Variants in DAB1 observed in about 807,000 individuals in gnomAD.
DAB1 encodes DAB adaptor protein 1, also known as disabled homolog 1.
A neutral mutation model predicts 64.6 loss-of-function variants in DAB1; 15 were observed. The observed-to-expected ratio is 0.23, with a 90% CI of 0.16 to 0.36. The LOEUF is 0.36. Ranked by LOEUF, DAB1 falls within the 10% of genes least tolerant of loss-of-function variation. The probability of loss-of-function intolerance (pLI) is 1.00; values close to 1 mark genes in which losing one functional copy is unlikely to be tolerated. For synonymous variants in DAB1, 235 were observed against 251.9 expected (o/e 0.93, Z 0.64); for missense variants, 596 against 706.7 (o/e 0.84, Z 1.78).
At chr1:58,499,110 G>A (rs865962923) in intron 3 of DAB1, among the ~76,000 whole-genome samples, 1 of 152,092 alleles carries the variant, frequency 6.6e-6, no homozygotes, top group Middle Eastern at 3.4e-3. Flanking sequence ...AGGACATTAT[G>A]CTAAGTGAAA....
At chr1:57,612,872 T>TA (rs959041994) in intron 7 of DAB1, among the ~76,000 whole-genome samples, 4 of 152,040 alleles carry the variant, frequency 2.6e-5, no homozygotes, top group Non-Finnish European at 5.9e-5. Context: ...TAGGAGGCAT[T>TA]AAAAAAAGGA....
intron 3 of DAB1, among the ~76,000 whole-genome samples, chr1:58,373,976 T>C (rs1027843575): frequency 1.4e-4 from 20 of 142,602 alleles, no homozygotes; most frequent in Non-Finnish European, 1.8e-4. Flanking sequence ...ATAAATGTCT[T>C]CTTTTGAGAA....
At chr1:58,045,962 TGTTA>T (rs1477087817) in intron 5 of DAB1, among the ~76,000 whole-genome samples, 1 of 151,444 alleles carries the variant, frequency 6.6e-6, no homozygotes, top group Non-Finnish European at 1.5e-5. Flanking sequence ...TTGGAGCCTC[TGTTA>T]TTTATCTGAA....
At chr1:57,939,926 G>T (rs1219876801) in intron 5 of DAB1, among the ~76,000 whole-genome samples, 1 of 152,156 alleles carries the variant, frequency 6.6e-6, no homozygotes, top group African/African-American at 2.4e-5. Context: ...AATAAATGTT[G>T]AATGAACAAC....
chr1:58,084,410 T>C (rs1490713733), intron 5 of DAB1: 1 of 153,606 alleles, frequency 6.5e-6, no homozygotes, highest in East Asian at 1.9e-4. Context: ...GTCTTCCTTT[T>C]TGCTACAGGG....
At chr1:57,121,069 G>C (rs1482244101) in intron 4 of DAB1, among the ~76,000 whole-genome samples, 1 of 151,732 alleles carries the variant, frequency 6.6e-6, no homozygotes, top group African/African-American at 2.4e-5. Context: ...GTGGGTAGGG[G>C]AGACAGGAGA....
intron 2 of DAB1, among the ~76,000 whole-genome samples, chr1:57,173,566 T>A (rs1662003047): frequency 6.6e-6 from 1 of 152,162 alleles, no homozygotes; most frequent in African/African-American, 2.4e-5. Flanking sequence ...ACACTGCTAG[T>A]CCCAAGTATT....
At chr1:57,545,661 A>G (rs1249866165) in intron 7 of DAB1, among the ~76,000 whole-genome samples, 1 of 152,182 alleles carries the variant, frequency 6.6e-6, no homozygotes, top group Non-Finnish European at 1.5e-5. Context: ...TTTCTCTGGA[A>G]ACTTTCTTCA....
At position 57,598,676 on chromosome 1, in the gene DAB1, G is replaced by A. The variant is rs968413442; in HGVS notation, n.625+50916C>T. 2.6e-5 allele frequency among the ~76,000 whole-genome samples: 4 copies of A among 152,194 alleles called. No individual in the cohort carries two copies. In the South Asian group the frequency reaches 8.3e-4, roughly 32 times the overall value. ...GGCTGTATGGGCAGTGACAGGGGCAGCTCAGAAGACAACTTACTAGCCTGA... is the reference window on the plus strand; with the variant it reads ...GGCTGTATGGGCAGTGACAGGGGCAACTCAGAAGACAACTTACTAGCCTGA... On this transcript the variant is annotated intron_variant and non_coding_transcript_variant, in intron 7 of 20. Transcript: ENST00000485760.
At position 57,730,330 on chromosome 1, in the gene DAB1, T is replaced by C. The variant is rs187697468; in HGVS notation, n.552-80665A>G. 1.5e-3 allele frequency among the ~76,000 whole-genome samples: 235 copies of C among 152,362 alleles called. 1 individual carries two copies. Among genetic ancestry groups the C allele is most frequent in the African/African-American group, 5.5e-3 (227 of 41,598 alleles). On this transcript the variant is annotated intron_variant and non_coding_transcript_variant, in intron 6 of 20. Coordinates refer to the DAB1 transcript ENST00000485760. ...TCTGTAAAACTGTGGAGCAGGAACC[T>C]GGAACCAGAGCTGCTGCCTCCAAAG...
intron 5 of DAB1, among the ~76,000 whole-genome samples, chr1:57,929,583 T>C (rs1485970987): frequency 6.6e-6 from 1 of 152,218 alleles, no homozygotes; most frequent in Non-Finnish European, 1.5e-5. Context: ...TTTATGTTGC[T>C]ATAAAGGAAT....
intron 5 of DAB1, among the ~76,000 whole-genome samples, chr1:57,914,662 A>G (rs1644699564): frequency 6.6e-6 from 1 of 152,358 alleles, no homozygotes; most frequent in African/African-American, 2.4e-5. Flanking sequence ...ATGAATGAAC[A>G]GATGAATAAC....
rs573699277 is a variant in DAB1 at position 58,254,322 on chromosome 1, C to G, written n.309+89030G>C. ...TTTCCTACTCCAGTGCTGCCCCCTA[C>G]CCCACCCACCTCCTTTGAGAGAGGT... On this transcript the variant is annotated intron_variant and non_coding_transcript_variant, in intron 4 of 20. Transcript: ENST00000485760. 4.1e-4 allele frequency among the ~76,000 whole-genome samples: 62 copies of G among 152,260 alleles called. 1 individual carries two copies. The highest frequency in any genetic ancestry group is 1.0e-3 in the South Asian group (5 of 4,814).
In DAB1 at chr1:58,402,900, G is replaced by A. The variant is rs146639241; in HGVS notation, n.258-59497C>T. Reference sequence around the variant, plus strand: ...ATGCCTTTGAAGGCTGTGCGACCACGCACCTTCTTGACCTCTCTTGGACAA... The same window carrying A: ...ATGCCTTTGAAGGCTGTGCGACCACACACCTTCTTGACCTCTCTTGGACAA... On this transcript the variant is annotated intron_variant and non_coding_transcript_variant, in intron 3 of 20. Coordinates refer to the DAB1 transcript ENST00000485760. Among the ~76,000 whole-genome samples the A allele has an allele frequency of 1.4e-4, 21 of 152,270 alleles. 1 individual carries two copies. The East Asian group carries it at 3.9e-3, about 28-fold the overall frequency.
intron 7 of DAB1, among the ~76,000 whole-genome samples, chr1:57,551,379 G>A (rs1367364475): frequency 6.6e-6 from 1 of 152,144 alleles, no homozygotes; most frequent in East Asian, 1.9e-4. Flanking sequence ...ACAACTGCTG[G>A]TTCTGTGGCA....
chr1:57,963,564 G>A (rs769055713), intron 5 of DAB1, among the ~76,000 whole-genome samples: 1 of 152,146 alleles, frequency 6.6e-6, no homozygotes, highest in Non-Finnish European at 1.5e-5. Context: ...CACAAGAATT[G>A]ATCATTAAAT....
At chr1:58,266,414 AGTAGAACAGAAGCACC>A (rs1661163927) in intron 4 of DAB1, among the ~76,000 whole-genome samples, 1 of 152,236 alleles carries the variant, frequency 6.6e-6, no homozygotes, top group South Asian at 2.1e-4. Context: ...CAGTTCCACG[AGTAGAACAGAAGCACC>A]CAGTCAGCTG....
At chr1:57,798,831 TATC>T (rs1451506578) in intron 6 of DAB1, among the ~76,000 whole-genome samples, 3 of 152,234 alleles carry the variant, frequency 2.0e-5, no homozygotes, top group Admixed American at 1.3e-4. Flanking sequence ...TTCCTTCTGT[TATC>T]ATTGAGTTTG....
At chr1:58,433,592 AGAGAGT>A (rs1423894303) in intron 3 of DAB1, among the ~76,000 whole-genome samples, 16 of 100,808 alleles carry the variant, frequency 1.6e-4, no homozygotes, top group East Asian at 8.5e-4. Context: ...AGAGAGAGAG[AGAGAGT>A]GTGTGTGTGT....
Sources: gnomAD v4.1 joint callset for allele counts (sites outside exome capture counted in the v4.1 genomes callset) on GRCh38, gnomAD v4.1.1 for gene constraint, MANE v1.5 for transcripts, NCBI Gene and HGNC (gene_info 2026-07-23, HGNC 2026-07-21) for gene names.